MYO3A: variants seen among roughly 807,000 people sequenced by gnomAD.
MYO3A encodes myosin IIIA.
MYO3A carries 180 observed loss-of-function variants against 192.7 expected under a neutral mutation model. That is an observed-to-expected ratio of 0.93 (90% CI 0.83 to 1.06). The LOEUF (loss-of-function observed/expected upper bound fraction) is 1.06, where lower values mean the gene tolerates loss of function less well. MYO3A is among the 50% of genes least tolerant of loss of function. The probability of loss-of-function intolerance (pLI) is 0.00; values close to 1 mark genes in which losing one functional copy is unlikely to be tolerated. For synonymous variants in MYO3A, 628 were observed against 645.3 expected, an observed-to-expected ratio of 0.97 and a Z score of 0.41; for missense variants, 1,896 against 1,905.0, an observed-to-expected ratio of 1.00 and a Z score of 0.09.
At chr10:26,002,488 G>A (rs2130937661) in intron 6 of MYO3A, among the ~76,000 whole-genome samples, 1 of 152,286 alleles carries the variant, frequency 6.6e-6, no homozygotes, top group East Asian at 1.9e-4. Context: ...AGACCGCACA[G>A]GCTAAACTAA....
At chr10:26,138,271 T>C (rs1015999294) in intron 20 of MYO3A, among the ~76,000 whole-genome samples, 2 of 152,216 alleles carry the variant, frequency 1.3e-5, no homozygotes, top group Non-Finnish European at 2.9e-5. Flanking sequence ...TCTTTATTTA[T>C]CAGCCAGCTG....
chr10:26,140,914 G>GTGTT (rs551758195), intron 20 of MYO3A, among the ~76,000 whole-genome samples: 43 of 152,040 alleles, frequency 2.8e-4, no homozygotes, highest in African/African-American at 7.5e-4. Context: ...AAATGTATAT[G>GTGTT]TGTTTGTTTG....
chr10:26,023,981 G>T lies in MYO3A; in HGVS notation c.732-41G>T. 3 of 1,559,258 alleles carry T rather than the reference G, an allele frequency of 1.9e-6. No homozygotes were observed. The South Asian group carries it at 3.3e-5, about 17-fold the overall frequency. On this transcript the variant is annotated intron_variant, in intron 8 of 34. Coordinates refer to ENST00000642920, the MANE Select transcript of MYO3A (RefSeq NM_017433.5). ...CTCTGCCTCTCATTTTACACTGACT[G>T]ACCAATATACAGAATCCAACATTGA...
At chr10:26,195,914 G>T (rs1410338264) in intron 32 of MYO3A, among the ~76,000 whole-genome samples, 1 of 152,144 alleles carries the variant, frequency 6.6e-6, no homozygotes, top group Non-Finnish European at 1.5e-5. Flanking sequence ...TTTGCCTATT[G>T]CATTCAACCT....
chr10:26,175,924 G>A (rs2132048308), intron 30 of MYO3A, among the ~76,000 whole-genome samples: 1 of 152,304 alleles, frequency 6.6e-6, no homozygotes, highest in Middle Eastern at 3.4e-3. Flanking sequence ...CTCAGAGCCA[G>A]GATGCGGACA....
intron 20 of MYO3A, among the ~76,000 whole-genome samples, chr10:26,135,928 C>T (rs925638099): frequency 2.1e-5 from 3 of 143,266 alleles, no homozygotes; most frequent in African/African-American, 7.8e-5. Flanking sequence ...ACTGGGTCCA[C>T]TTCACTCCAG....
At chr10:26,058,126 G>A (rs11814295) in intron 10 of MYO3A, among the ~76,000 whole-genome samples, 71,755 of 151,854 alleles carry the variant, frequency 0.47, 17,761 homozygotes, top group Middle Eastern at 0.59. Context: ...AAAACGCTCT[G>A]TTCTCTGCCT....
intron 30 of MYO3A, among the ~76,000 whole-genome samples, chr10:26,175,342 TA>T (rs1476406537): frequency 6.6e-6 from 1 of 152,236 alleles, no homozygotes; most frequent in Non-Finnish European, 1.5e-5. Flanking sequence ...TTAACCTTCA[TA>T]AAATCACTTT....
At chr10:26,017,274 GGTC>G (rs2131049958) in intron 7 of MYO3A, among the ~76,000 whole-genome samples, 1 of 152,222 alleles carries the variant, frequency 6.6e-6, no homozygotes, top group East Asian at 1.9e-4. Flanking sequence ...ATCAGATTCA[GGTC>G]CATTAACCCA....
chr10:26,070,149 T>C lies in MYO3A; in HGVS notation c.1209T>C (p.Ser403=), dbSNP rs56051283. Residue 403 remains serine, a synonymous_variant, in exon 13 of 35, where the codon AGT becomes AGC. Transcript: ENST00000642920. The part of the protein sequence containing the change: ...KLYIGSKRTA[S]PPHIFAMADL... ...ATATTGGATCAAAGAGAACTGCCAG[T>C]CCTCCTCACATTTTTGCAATGGCTG... The C allele has an allele frequency of 1.2e-6, 2 of 1,612,392 alleles. No homozygotes were observed. The highest frequency in any genetic ancestry group is 1.7e-6 in the Non-Finnish European group (2 of 1,178,560).
At chr10:25,981,145 C>T (rs1311547810) in intron 4 of MYO3A, among the ~76,000 whole-genome samples, 5 of 152,092 alleles carry the variant, frequency 3.3e-5, no homozygotes, top group African/African-American at 7.2e-5. Flanking sequence ...ATGCATTTAA[C>T]GTTTCCCCAT....
intron 15 of MYO3A, among the ~76,000 whole-genome samples, 170 bp from the exon 16 acceptor site, chr10:26,096,211 G>A (rs900600606): frequency 2.0e-5 from 3 of 152,208 alleles, no homozygotes; most frequent in Non-Finnish European, 4.4e-5. Flanking sequence ...TTTAATGACA[G>A]TGGTTGTTGA....
intron 30 of MYO3A, among the ~76,000 whole-genome samples, chr10:26,176,248 C>T (rs1485271767): frequency 6.6e-6 from 1 of 150,726 alleles, no homozygotes; most frequent in Non-Finnish European, 1.5e-5. Flanking sequence ...GAGCGGAGAT[C>T]GCACCACTGC....
intron 22 of MYO3A, 51 bp downstream of exon 22, chr10:26,145,585 A>C: frequency 7.5e-7 from 1 of 1,327,302 alleles, no homozygotes; most frequent in Non-Finnish European, 1.1e-6. Flanking sequence ...CTTTTAATGA[A>C]TAATAGGATA....
Position 26,096,702 on chromosome 10 carries a change from G to T in MYO3A, c.1776+20G>T. 6.8e-7 allele frequency: 1 copy of T among 1,468,614 alleles called. No homozygotes were observed. The highest frequency in any genetic ancestry group is 1.1e-5 in the South Asian group (1 of 87,890). 91.0% of individuals were successfully genotyped at this position (1,468,614 alleles called of 1,614,324 possible). ...ATGGAGGTAAGTATGAAAGACACTT[G>T]AACTTCTTTAGAAAGTATCTTTTTA... On this transcript the variant is annotated intron_variant, in intron 17 of 34. Transcript: ENST00000642920.
intron 31 of MYO3A, among the ~76,000 whole-genome samples, chr10:26,180,016 G>T (rs1457382511): frequency 6.6e-6 from 1 of 152,052 alleles, no homozygotes; most frequent in Non-Finnish European, 1.5e-5. Context: ...TGTATTTTTA[G>T]TAGAGATGGG....
chr10:25,991,393 T>A (rs1435007398), intron 4 of MYO3A, among the ~76,000 whole-genome samples: 6 of 151,866 alleles, frequency 4.0e-5, no homozygotes, highest in African/African-American at 1.2e-4. Flanking sequence ...GTTTGAGTTC[T>A]TTGTAGATTC....
At chr10:26,149,611 CT>C (rs35229987) in intron 23 of MYO3A, among the ~76,000 whole-genome samples, 77,098 of 151,278 alleles carry the variant, frequency 0.51, 19,939 homozygotes, top group Middle Eastern at 0.59. Context: ...ATAGATTACC[CT>C]TTTTTTTTGT....
chr10:25,965,060 T>C (rs1838174457), intron 4 of MYO3A, among the ~76,000 whole-genome samples: 1 of 152,184 alleles, frequency 6.6e-6, no homozygotes, highest in Non-Finnish European at 1.5e-5. Flanking sequence ...GAAGTTTGAT[T>C]ATTAAATGCC....
Sources: allele counts gnomAD v4.1 joint callset (sites outside exome capture counted in the v4.1 genomes callset), GRCh38; gene constraint gnomAD v4.1.1; transcripts MANE v1.5; gene names NCBI Gene and HGNC (gene_info 2026-07-23, HGNC 2026-07-21).